Variants in HERPUD2 observed in about 807,000 individuals in gnomAD.
The protein encoded by HERPUD2 is HERPUD family member 2, also known as homocysteine-responsive endoplasmic reticulum-resident ubiquitin-like domain member 2 protein.
HERPUD2 carries 13 observed loss-of-function variants against 49.9 expected under a neutral mutation model. That is an observed-to-expected ratio of 0.26 (90% CI 0.17 to 0.41). The LOEUF (loss-of-function observed/expected upper bound fraction) is 0.41. Among genes scored for constraint, HERPUD2 ranks in the 10% least tolerant of loss-of-function variants. HERPUD2 has a pLI of 1.00. For missense variants in HERPUD2, 449 were observed against 492.2 expected, an observed-to-expected ratio of 0.91 and a Z score of 0.83; for synonymous variants, 172 against 171.4, an observed-to-expected ratio of 1.00 and a Z score of -0.03.
chr7:35,670,407 A>C, intron 3 of HERPUD2, 79 bp from the exon 4 acceptor site: 1 of 546,988 alleles, frequency 1.8e-6, no homozygotes. Context: ...AAACTGAAAT[A>C]CCTAAAACTT....
intron 5 of HERPUD2, among the ~76,000 whole-genome samples, chr7:35,642,703 G>A (rs977765808): frequency 2.0e-5 from 3 of 152,160 alleles, no homozygotes; most frequent in African/African-American, 4.8e-5. Flanking sequence ...ACTAACGCAC[G>A]AACAGAAAAC....
In HERPUD2 at chr7:35,694,886, G is replaced by T. The variant is rs1301749459; in HGVS notation, c.-383C>A. 1 of 152,778 alleles carries T rather than the reference G, an allele frequency of 6.5e-6. No individual in the cohort carries two copies. The highest frequency in any genetic ancestry group is 1.5e-5 in the Non-Finnish European group (1 of 68,378). The allele number at this position is 152,778 out of a possible 1,614,324, so 9.5% of individuals were successfully genotyped here. ...CACACCGTCCGGCCAGGCGTTTTCC[G>T]TGGCAGCCGCTCCCTTCCTGCTGCG... is the stretch of plus-strand genomic sequence containing the variant. On this transcript the variant is annotated 5_prime_UTR_variant, in exon 1 of 9. Coordinates refer to ENST00000311350, the MANE Select transcript of HERPUD2 (RefSeq NM_022373.5).
At chr7:35,676,157 T>C (rs1176799551) in intron 2 of HERPUD2, among the ~76,000 whole-genome samples, 1 of 152,226 alleles carries the variant, frequency 6.6e-6, no homozygotes, top group Non-Finnish European at 1.5e-5. Flanking sequence ...TTGACTGTTA[T>C]GCCTCTTTTA....
At chr7:35,674,430 G>GGAGC (rs1785714484) in intron 2 of HERPUD2, among the ~76,000 whole-genome samples, 1 of 113,990 alleles carries the variant, frequency 8.8e-6, no homozygotes, top group Non-Finnish European at 1.9e-5. Context: ...GAGAGAGAGA[G>GGAGC]AGAGAGAGAG....
At chr7:35,686,587 C>T (rs1254398234) in intron 2 of HERPUD2, among the ~76,000 whole-genome samples, 5 of 139,072 alleles carry the variant, frequency 3.6e-5, no homozygotes, top group South Asian at 2.4e-4. Flanking sequence ...GGCGTAGTGG[C>T]GGGCGCCTGT....
intron 2 of HERPUD2, among the ~76,000 whole-genome samples, chr7:35,677,930 T>C (rs899795713): frequency 6.6e-6 from 1 of 152,238 alleles, no homozygotes; most frequent in African/African-American, 2.4e-5. Flanking sequence ...CTCAGTTTCC[T>C]TATCTGTAAG....
intron 2 of HERPUD2, among the ~76,000 whole-genome samples, chr7:35,686,745 A>C (rs1185042836): frequency 7.9e-5 from 6 of 75,472 alleles, no homozygotes; most frequent in African/African-American, 4.5e-4. Context: ...AAAAAAAAAA[A>C]CCAAACCCAT....
chr7:35,682,753 T>C (rs189839763), intron 2 of HERPUD2, among the ~76,000 whole-genome samples: 2 of 149,852 alleles, frequency 1.3e-5, no homozygotes, highest in African/African-American at 4.9e-5. Context: ...CACAAATCAG[T>C]AGCACTTTTA....
At chr7:35,679,776 G>A (rs1785839928) in intron 2 of HERPUD2, among the ~76,000 whole-genome samples, 1 of 152,074 alleles carries the variant, frequency 6.6e-6, no homozygotes. Flanking sequence ...TATTTTAATA[G>A]GCAACTCAAA....
rs368531398 is a variant in HERPUD2 at position 35,657,918 on chromosome 7, T to C, written c.494+9516A>G. Among the ~76,000 whole-genome samples, 24 of 148,502 alleles carry C rather than the reference T, an allele frequency of 1.6e-4. No homozygotes were observed. The East Asian group carries it at 2.9e-3, about 18-fold the overall frequency. On this transcript the variant is annotated intron_variant, in intron 5 of 8. Coordinates refer to ENST00000311350, the MANE Select transcript of HERPUD2 (RefSeq NM_022373.5). Reference sequence around the variant, plus strand: ...GCCTGGGAGACACAGCGAGACTCTGTCTCAAAAAAAAAAAAGAAAAAAACC... The same window carrying C: ...GCCTGGGAGACACAGCGAGACTCTGCCTCAAAAAAAAAAAAGAAAAAAACC...
At chr7:35,675,025 T>C (rs28690922) in intron 2 of HERPUD2, among the ~76,000 whole-genome samples, 140 of 152,168 alleles carry the variant, frequency 9.2e-4, no homozygotes, top group African/African-American at 3.3e-3. Context: ...GGAACCCCAA[T>C]TTATAACCAG....
At chr7:35,647,777 A>T (rs963254106) in intron 5 of HERPUD2, among the ~76,000 whole-genome samples, 1 of 152,258 alleles carries the variant, frequency 6.6e-6, no homozygotes, top group Non-Finnish European at 1.5e-5. Context: ...AAACTGCATA[A>T]CCTTTAAGTC....
intron 6 of HERPUD2, among the ~76,000 whole-genome samples, chr7:35,637,180 T>A (rs143093246): frequency 4.9e-4 from 73 of 148,880 alleles, no homozygotes; most frequent in Admixed American, 2.1e-3. Context: ...GATAGATAGA[T>A]AGATAGATAG....
intron 5 of HERPUD2, among the ~76,000 whole-genome samples, chr7:35,654,106 A>T (rs1785225402): frequency 6.6e-6 from 1 of 152,224 alleles, no homozygotes; most frequent in African/African-American, 2.4e-5. Flanking sequence ...ATAAATGCTC[A>T]CATCAAAAAA....
chr7:35,663,459 T>G (rs542754889), intron 5 of HERPUD2, among the ~76,000 whole-genome samples: 1 of 152,302 alleles, frequency 6.6e-6, no homozygotes, highest in Non-Finnish European at 1.5e-5. Flanking sequence ...GATATCCTTA[T>G]TAACTTTCTG....
intron 2 of HERPUD2, among the ~76,000 whole-genome samples, chr7:35,687,361 C>T (rs1786086117): frequency 6.6e-6 from 1 of 152,162 alleles, no homozygotes; most frequent in Non-Finnish European, 1.5e-5. Flanking sequence ...GGTACTCACC[C>T]CTACATCCAA....
At position 35,668,935 on chromosome 7, in the gene HERPUD2, T is replaced by C. The variant is rs76929903; in HGVS notation, c.339+1280A>G. On this transcript the variant is annotated intron_variant, in intron 4 of 8. Transcript: ENST00000311350. Reference sequence around the variant, plus strand: ...ATCTTTAAAATATTTTCAAGTCCCTTGAAATTTCTGAACCATGAAAAATTA... The same window carrying C: ...ATCTTTAAAATATTTTCAAGTCCCTCGAAATTTCTGAACCATGAAAAATTA... 3.9e-3 allele frequency among the ~76,000 whole-genome samples: 592 copies of C among 152,276 alleles called. 5 individuals carry two copies. The highest frequency in any genetic ancestry group is 0.013 in the African/African-American group (559 of 41,564).
At chr7:35,659,419 A>G (rs1354967655) in intron 5 of HERPUD2, among the ~76,000 whole-genome samples, 1 of 152,254 alleles carries the variant, frequency 6.6e-6, no homozygotes, top group Non-Finnish European at 1.5e-5. Flanking sequence ...ATACACAGAG[A>G]TGCTTATAAA....
chr7:35,684,543 T>C (rs973823420), intron 2 of HERPUD2, among the ~76,000 whole-genome samples: 8 of 152,264 alleles, frequency 5.3e-5, no homozygotes, highest in South Asian at 4.1e-4. Flanking sequence ...TATATACATA[T>C]GTGACGGACT....
Sources: gnomAD v4.1 joint callset for allele counts (sites outside exome capture counted in the v4.1 genomes callset) on GRCh38, gnomAD v4.1.1 for gene constraint, MANE v1.5 for transcripts, NCBI Gene and HGNC (gene_info 2026-07-23, HGNC 2026-07-21) for gene names.